The following AURKA variants were observed in gnomAD, a reference collection of about 807,000 sequenced individuals.
AURKA encodes aurora 2.
A neutral mutation model predicts 40.9 loss-of-function variants in AURKA; 12 were observed. The ratio of observed to expected loss-of-function variants is 0.29; its 90% CI spans 0.19 to 0.48. The LOEUF is 0.48. Among genes scored for constraint, AURKA ranks in the 20% least tolerant of loss-of-function variants. AURKA has a pLI of 0.99. For missense variants in AURKA, 322 were observed against 462.1 expected, an observed-to-expected ratio of 0.70 and a Z score of 2.78; for synonymous variants, 170 against 164.3, an observed-to-expected ratio of 1.03 and a Z score of -0.26.
In AURKA at chr20:56,381,496, T is replaced by A; in HGVS notation, c.642A>T (p.Pro214=). 4 of 1,613,950 alleles carry A rather than the reference T, an allele frequency of 2.5e-6. No homozygotes were observed. Among genetic ancestry groups the A allele is most frequent in the Non-Finnish European group, 3.4e-6 (4 of 1,179,948 alleles). ...TRVYLILEYA[P]LGTVYRELQK... is the part of the protein sequence containing the mutation. Reference sequence around the variant, plus strand: ...GAAGTTCTCTATAAACTGTTCCAAGTGGTGCATATTCCAGAATTAGGTAGA... The same window carrying A: ...GAAGTTCTCTATAAACTGTTCCAAGAGGTGCATATTCCAGAATTAGGTAGA... The change falls in exon 6 of 9, where the codon CCA becomes CCT. Residue 214 remains proline (P), a synonymous_variant. Transcript: ENST00000395915.
At chr20:56,384,211 G>GC in intron 4 of AURKA, 59 bp downstream of exon 4, 1 of 1,410,108 alleles carries the variant, frequency 7.1e-7, no homozygotes, top group Non-Finnish European at 9.9e-7. Context: ...AACGAAATTT[G>GC]CAACGAAATA....
chr20:56,376,961 T>A (rs1985001813), intron 6 of AURKA, among the ~76,000 whole-genome samples: 1 of 152,068 alleles, frequency 6.6e-6, no homozygotes, highest in South Asian at 2.1e-4. Context: ...ATGCCTGTAA[T>A]CCCAGCTACT....
chr20:56,387,954 T>A (rs1986567376), intron 2 of AURKA, among the ~76,000 whole-genome samples: 1 of 152,124 alleles, frequency 6.6e-6, no homozygotes, highest in East Asian at 1.9e-4. Flanking sequence ...AAGCAGCCGA[T>A]TATAAGACAA....
At chr20:56,387,025 A>C (rs567196084) in intron 2 of AURKA, among the ~76,000 whole-genome samples, 13 of 152,334 alleles carry the variant, frequency 8.5e-5, no homozygotes, top group Non-Finnish European at 1.9e-4. Flanking sequence ...GATTTTCCAC[A>C]ATAAGCTTAT....
chr20:56,390,106 TAG>T (rs1569099529), intron 1 of AURKA, among the ~76,000 whole-genome samples: 1 of 152,160 alleles, frequency 6.6e-6, no homozygotes, highest in Non-Finnish European at 1.5e-5. Context: ...CTAACCTGCA[TAG>T]ACAGGCCTAT....
Position 56,386,521 on chromosome 20 carries a change from C to T in AURKA, c.55G>A (p.Val19Ile), listed in dbSNP as rs2146205776. Reference sequence around the variant, plus strand: ...ACGAGAACACGTTTTGGACCTCCAACTGGAGCTGTAGCCTAGAATGGAAGA... The same window carrying T: ...ACGAGAACACGTTTTGGACCTCCAATTGGAGCTGTAGCCTAGAATGGAAGA... ...ISGPVKATAP[V>I]GGPKRVLVTQ... The change falls in exon 3 of 9, where the codon GTT becomes ATT. Residue 19 changes from valine (V) to isoleucine (I), a missense_variant. Physicochemically the swap from Val to Ile is conservative, Grantham distance 29 (BLOSUM62 3). Transcript: ENST00000395915. 2 of 1,614,200 alleles carry T rather than the reference C, an allele frequency of 1.2e-6. No individual in the cohort carries two copies. Among genetic ancestry groups the T allele is most frequent in the African/African-American group, 1.3e-5 (1 of 75,048 alleles).
In AURKA at chr20:56,384,296, T is replaced by C. The variant is rs781187441; in HGVS notation, c.348A>G (p.Ser116=). The C allele has an allele frequency of 7.5e-6, 12 of 1,602,178 alleles. No individual in the cohort carries two copies. Among genetic ancestry groups the C allele is most frequent in the Non-Finnish European group, 1.0e-5 (12 of 1,170,246 alleles). Reference sequence around the variant, plus strand: ...TTTTTGATTCTTCATTTTTCTGTTTTGATGCCAGTTCCTCCTCAGGATTAT... The same window carrying C: ...TTTTTGATTCTTCATTTTTCTGTTTCGATGCCAGTTCCTCCTCAGGATTAT... The part of the protein sequence containing the change: ...PENNPEEELA[S]KQKNEESKKR... Residue 116 remains serine (S), a synonymous_variant, in exon 4 of 9, where the codon TCA becomes TCG. Coordinates refer to ENST00000395915, the MANE Select transcript of AURKA (RefSeq NM_198437.3).
rs146210641 is a variant in AURKA, at chr20:56,386,598, T to C, written c.43-65A>G. On this transcript the variant is annotated intron_variant, in intron 2 of 8. Coordinates refer to ENST00000395915, the MANE Select transcript of AURKA (RefSeq NM_198437.3). The stretch of plus-strand genomic sequence containing the variant: ...AAGCAAAAGATGAATATATTGAGAA[T>C]TTCACAAAGTTTGTTCTCTAGTATA... 5.4e-3 allele frequency: 8,594 copies of C among 1,582,974 alleles called. 74 individuals carry two copies. The highest frequency in any genetic ancestry group is 0.024 in the South Asian group (2,124 of 89,800).
At position 56,369,866 on chromosome 20, in the gene AURKA, A is replaced by G; in HGVS notation, c.*292T>C. The G allele has an allele frequency of 2.0e-6, 1 of 505,614 alleles. No homozygotes were observed. The highest frequency in any genetic ancestry group is 1.9e-5 in the African/African-American group (1 of 52,582). 31.3% of individuals were successfully genotyped at this position (505,614 alleles called of 1,614,324 possible). ...CTCTGGATTTGCCTCCTGTGAAGAC[A>G]CCATGCCTAGCACAGGCTGACGGGG... On this transcript the variant is annotated 3_prime_UTR_variant, in exon 9 of 9. Coordinates refer to ENST00000395915, the MANE Select transcript of AURKA (RefSeq NM_198437.3).
chr20:56,382,176 G>GA (rs79510160), intron 5 of AURKA, among the ~76,000 whole-genome samples: 35 of 142,632 alleles, frequency 2.5e-4, no homozygotes, highest in East Asian at 8.1e-4. Flanking sequence ...AAAAAAAAAG[G>GA]AAAAAAAAAA....
In AURKA at chr20:56,381,554, C is replaced by A; in HGVS notation, c.584G>T (p.Arg195Ile). Residue 195 changes from arginine (R) to isoleucine (I), a missense_variant, in exon 6 of 9, where the codon AGA becomes ATA. Transcript: ENST00000395915. ...AGCATCATGGAAATAACCATACAGT[C>A]TAAGAATATTAGGATGCCTGCAACA... ...QSHLRHPNIL[R>I]LYGYFHDATR... 1 of 1,613,808 alleles carries A rather than the reference C, an allele frequency of 6.2e-7. No homozygotes were observed. Among genetic ancestry groups the A allele is most frequent in the South Asian group, 1.1e-5 (1 of 91,044 alleles).
chr20:56,384,065 A>AT (rs1986064091), intron 4 of AURKA, among the ~76,000 whole-genome samples: 1 of 152,196 alleles, frequency 6.6e-6, no homozygotes, highest in Non-Finnish European at 1.5e-5. Flanking sequence ...TTTGAAAGCC[A>AT]TTTTTTAAAG....
chr20:56,382,897 G>GA, intron 5 of AURKA, 88 bp downstream of exon 5: 1 of 1,428,424 alleles, frequency 7.0e-7, no homozygotes, highest in Non-Finnish European at 9.9e-7. Context: ...GGAGTGAAGG[G>GA]ACCTGGGCAG....
At chr20:56,372,778 T>C (rs1054176505) in intron 7 of AURKA, among the ~76,000 whole-genome samples, 1 of 152,252 alleles carries the variant, frequency 6.6e-6, no homozygotes, top group Non-Finnish European at 1.5e-5. Context: ...TTTCAAAGCT[T>C]ATTTAAACTC....
chr20:56,371,589 G>C lies in AURKA; in HGVS notation c.855-930C>G, dbSNP rs140215006. Among the ~76,000 whole-genome samples, 380 of 151,908 alleles carry C rather than the reference G, an allele frequency of 2.5e-3. 1 individual carries two copies. Among genetic ancestry groups the C allele is most frequent in the African/African-American group, 8.9e-3 (369 of 41,416 alleles). On this transcript the variant is annotated intron_variant, in intron 7 of 8. Transcript: ENST00000395915. ...CACAATCAGAAAAGTCCTCTTTAAA[G>C]TGGGAGACTGGTCTGGCTTTAGACC...
chr20:56,373,614 T>C lies in AURKA; in HGVS notation c.706-58A>G. ...GATTTTATATAACACAAGTTAATAT[T>C]AGACATCTCTTCCGAAAGGAACACA... On this transcript the variant is annotated intron_variant, in intron 6 of 8. Coordinates refer to ENST00000395915, the MANE Select transcript of AURKA (RefSeq NM_198437.3). This position sits in a 1 kb window ranked among gnomAD's most constrained non-coding sequence, Gnocchi z 5.0. 2 of 1,581,382 alleles carry C rather than the reference T, an allele frequency of 1.3e-6. No individual in the cohort carries two copies. The highest frequency in any genetic ancestry group is 1.7e-6 in the Non-Finnish European group (2 of 1,151,580).
At chr20:56,386,652 A>T (rs1986420696) in intron 2 of AURKA, 119 bp from the exon 3 acceptor site, 2 of 1,148,008 alleles carry the variant, frequency 1.7e-6, no homozygotes, top group Non-Finnish European at 2.5e-6. Flanking sequence ...CTGATAAGAG[A>T]TGGAAGGTGA....
At chr20:56,388,486 T>C in intron 1 of AURKA, 3 of 484,658 alleles carry the variant, frequency 6.2e-6, no homozygotes, top group Non-Finnish European at 7.5e-6. Context: ...TCCATCCCTG[T>C]GCAGCCTACT....
At chr20:56,376,851 G>A (rs1287164413) in intron 6 of AURKA, among the ~76,000 whole-genome samples, 1 of 152,056 alleles carries the variant, frequency 6.6e-6, no homozygotes, top group Admixed American at 6.6e-5. Context: ...AGGCCGAGGT[G>A]GGCAAATCAC....
Sources: gnomAD v4.1 joint callset for allele counts (sites outside exome capture counted in the v4.1 genomes callset) on GRCh38, gnomAD v4.1.1 for gene constraint, Gnocchi (gnomAD v3.1) non-coding constraint, MANE v1.5 for transcripts, NCBI Gene and HGNC (gene_info 2026-07-23, HGNC 2026-07-21) for gene names.